KIF14: variants seen among roughly 807,000 people sequenced by gnomAD.
KIF14 encodes kinesin-like protein KIF14.
Under a neutral mutation model 176.2 loss-of-function variants are expected in KIF14, and 98 were observed. The ratio of observed to expected loss-of-function variants is 0.56; its 90% CI spans 0.47 to 0.66. The LOEUF (loss-of-function observed/expected upper bound fraction) is 0.66. Ranked by LOEUF, KIF14 falls within the 30% of genes least tolerant of loss-of-function variation. The pLI, the probability that KIF14 is intolerant of heterozygous loss-of-function variation, is 0.00. For synonymous variants in KIF14, 566 were observed against 632.2 expected, an observed-to-expected ratio of 0.90 and a Z score of 1.57; for missense variants, 1,751 against 1,920.4, an observed-to-expected ratio of 0.91 and a Z score of 1.65.
rs1174758457 is a variant in KIF14, at chr1:200,552,779, A to G, written c.*609T>C. ...TCACCATAAACATCCCAGCTGTCTG[A>G]GGAGAGAGAAGGCATAGGCACAAAG... On this transcript the variant is annotated 3_prime_UTR_variant, in exon 30 of 30. Transcript: ENST00000367350. 1 of 152,106 alleles carries G rather than the reference A, an allele frequency of 6.6e-6. No homozygotes were observed. Among genetic ancestry groups the G allele is most frequent in the South Asian group, 2.1e-4 (1 of 4,826 alleles). The allele number at this position is 152,106 out of a possible 1,614,324, so 9.4% of individuals were successfully genotyped here. A position where few individuals can be genotyped will look rare whatever the true frequency, so the allele number is the denominator to read the frequency against.
intron 4 of KIF14, among the ~76,000 whole-genome samples, chr1:200,612,861 A>G (rs1344441599): frequency 6.7e-6 from 1 of 148,796 alleles, no homozygotes; most frequent in Non-Finnish European, 1.5e-5. Context: ...CAAGTTCTGC[A>G]GGCCTTTCTA....
At chr1:200,582,983 T>G (rs1658543594) in intron 19 of KIF14, among the ~76,000 whole-genome samples, 1 of 152,068 alleles carries the variant, frequency 6.6e-6, no homozygotes, top group Non-Finnish European at 1.5e-5. Context: ...GGCCTGAAGA[T>G]CTAACTACCA....
chr1:200,576,274 C>T (rs2102633853), intron 21 of KIF14, among the ~76,000 whole-genome samples: 1 of 151,872 alleles, frequency 6.6e-6, no homozygotes, highest in South Asian at 2.1e-4. Flanking sequence ...GTCAGGAGAT[C>T]GAGACCATCC....
Position 200,553,357 on chromosome 1 carries a change from G to C in KIF14, c.*31C>G. ...GAGCAAGTGTTCTTTTTCTTTCATG[G>C]GTGGTCATAAAAGTGCCTACACATC... On this transcript the variant is annotated 3_prime_UTR_variant, in exon 30 of 30. Coordinates refer to ENST00000367350, the MANE Select transcript of KIF14 (RefSeq NM_014875.3). The C allele has an allele frequency of 1.3e-6, 2 of 1,530,880 alleles. No individual in the cohort carries two copies. Among genetic ancestry groups the C allele is most frequent in the Non-Finnish European group, 1.8e-6 (2 of 1,141,518 alleles). 94.8% of individuals were successfully genotyped at this position (1,530,880 alleles called of 1,614,324 possible). A position where few individuals can be genotyped will look rare whatever the true frequency, so the allele number is the denominator to read the frequency against.
intron 19 of KIF14, among the ~76,000 whole-genome samples, chr1:200,581,816 T>C (rs1030824628): frequency 1.4e-5 from 2 of 146,536 alleles, no homozygotes; most frequent in East Asian, 2.1e-4. Flanking sequence ...GCCTAGGCTA[T>C]ATAGTACAGT....
intron 22 of KIF14, among the ~76,000 whole-genome samples, chr1:200,570,714 A>AT (rs529652744): frequency 7.4e-4 from 112 of 152,174 alleles, no homozygotes; most frequent in African/African-American, 2.6e-3. Context: ...ATTTTATCTT[A>AT]TTTTTTTAAG....
intron 23 of KIF14, among the ~76,000 whole-genome samples, chr1:200,568,985 G>T (rs961074306): frequency 2.0e-5 from 3 of 146,988 alleles, no homozygotes; most frequent in African/African-American, 7.6e-5. Context: ...GAGTGCAATG[G>T]TGCTATCTCA....
chr1:200,600,338 G>A lies in KIF14; in HGVS notation c.2300+18C>T. 2 of 1,609,624 alleles carry A rather than the reference G, an allele frequency of 1.2e-6. No homozygotes were observed. Among genetic ancestry groups the A allele is most frequent in the Non-Finnish European group, 1.7e-6 (2 of 1,176,076 alleles). ...CAGAGCAACACACTTAACATTTAGA[G>A]TACTGACTGTACTCTACCTTTGCAT... is the stretch of plus-strand genomic sequence containing the variant. On this transcript the variant is annotated intron_variant, in intron 12 of 29. Transcript: ENST00000367350.
At chr1:200,614,790 C>CAAAAAAAAAAAA (rs67447333) in intron 3 of KIF14, among the ~76,000 whole-genome samples, 2 of 74,876 alleles carry the variant, frequency 2.7e-5, no homozygotes, top group Non-Finnish European at 2.3e-5. Flanking sequence ...AACCTTGCTA[C>CAAAAAAAAAAAA]AAAAAAAAAA....
intron 4 of KIF14, among the ~76,000 whole-genome samples, chr1:200,611,023 A>G (rs535960554): frequency 6.6e-6 from 1 of 152,320 alleles, no homozygotes; most frequent in Admixed American, 6.5e-5. Context: ...TTGGGAGAGA[A>G]AGCAATCATT....
chr1:200,561,004 GT>G (rs1657113599), intron 25 of KIF14, 124 bp from the exon 26 acceptor site: 4 of 780,454 alleles, frequency 5.1e-6, no homozygotes, highest in African/African-American at 1.7e-5. Context: ...GCCGAGGCGG[GT>G]GGATCGCCTG....
chr1:200,603,348 GC>G lies in KIF14; in HGVS notation c.1864-8del. The G allele has an allele frequency of 6.8e-7, 1 of 1,465,398 alleles. No individual in the cohort carries two copies. Among genetic ancestry groups the G allele is most frequent in the Non-Finnish European group, 9.3e-7 (1 of 1,070,326 alleles). The allele number at this position is 1,465,398 out of a possible 1,614,324, so 90.8% of individuals were successfully genotyped here. A position where few individuals can be genotyped will look rare whatever the true frequency, so the allele number is the denominator to read the frequency against. ...TATTAATACTCACACCTTCCTGCAT[GC>G]AAGAAAAAAAAAATTTTTAACTTAA... On this transcript the variant is annotated splice_polypyrimidine_tract_variant and splice_region_variant and intron_variant, in intron 9 of 29. Coordinates refer to ENST00000367350, the MANE Select transcript of KIF14 (RefSeq NM_014875.3).
chr1:200,620,751 T>C lies in KIF14; in HGVS notation c.-456A>G, dbSNP rs894970225. On this transcript the variant is annotated 5_prime_UTR_variant, in exon 1 of 30. Coordinates refer to ENST00000367350, the MANE Select transcript of KIF14 (RefSeq NM_014875.3). ...GCTCCCCAGAAGGCCGCAATTTGAA[T>C]GGGCGCCCCGCCTTCTGATTGGCTG... 6.6e-6 allele frequency: 1 copy of C among 152,350 alleles called. No individual in the cohort carries two copies. The highest frequency in any genetic ancestry group is 2.4e-5 in the African/African-American group (1 of 41,466). 9.4% of individuals were successfully genotyped at this position (152,350 alleles called of 1,614,324 possible). A position where few individuals can be genotyped will look rare whatever the true frequency, so the allele number is the denominator to read the frequency against.
chr1:200,610,747 G>A (rs1436957149), intron 4 of KIF14, among the ~76,000 whole-genome samples: 1 of 151,966 alleles, frequency 6.6e-6, no homozygotes, highest in African/African-American at 2.4e-5. Context: ...CACAGCAATA[G>A]AAAATTAATT....
chr1:200,561,167 T>C (rs192687674), intron 25 of KIF14, among the ~76,000 whole-genome samples: 1 of 149,874 alleles, frequency 6.7e-6, no homozygotes, highest in African/African-American at 2.5e-5. Context: ...GAGGCAGAGG[T>C]TGCAGTGAGC....
chr1:200,590,471 C>T (rs544139250), intron 16 of KIF14, among the ~76,000 whole-genome samples, 199 bp from the exon 17 acceptor site: 6 of 152,098 alleles, frequency 3.9e-5, no homozygotes, highest in East Asian at 1.9e-4. Flanking sequence ...ACACGCAGGA[C>T]GAAAAATTGC....
At chr1:200,574,828 A>G (rs1658003238) in intron 22 of KIF14, among the ~76,000 whole-genome samples, 1 of 152,074 alleles carries the variant, frequency 6.6e-6, no homozygotes, top group African/African-American at 2.4e-5. Context: ...GAAGTTGTCT[A>G]TCACTATGAT....
Position 200,600,478 on chromosome 1 carries a change from T to C in KIF14, c.2178A>G (p.Leu726=). The change falls in exon 12 of 30, where the codon CTA becomes CTG. Residue 726 remains leucine, a synonymous_variant. Coordinates refer to ENST00000367350, the MANE Select transcript of KIF14 (RefSeq NM_014875.3). ...TCCGACTGTTTCTCTGAGCAGCTTT[T>C]AGCTTTGCAATTTCTGCCTTCAATT... The part of the protein sequence containing the change: ...IRELKAEIAK[L]KAAQRNSRNI... 1 of 1,613,668 alleles carries C rather than the reference T, an allele frequency of 6.2e-7. No individual in the cohort carries two copies. The highest frequency in any genetic ancestry group is 8.5e-7 in the Non-Finnish European group (1 of 1,179,616).
chr1:200,591,446 GTC>G (rs1659046860), intron 16 of KIF14, among the ~76,000 whole-genome samples: 1 of 152,206 alleles, frequency 6.6e-6, no homozygotes, highest in African/African-American at 2.4e-5. Context: ...GATTATGAGT[GTC>G]TCACGTCTGC....
Sources: allele counts gnomAD v4.1 joint callset (sites outside exome capture counted in the v4.1 genomes callset), GRCh38; gene constraint gnomAD v4.1.1; transcripts MANE v1.5; gene names NCBI Gene and HGNC (gene_info 2026-07-23, HGNC 2026-07-21).